Variants in MAX observed in about 807,000 individuals in gnomAD.
The protein encoded by MAX is MYC associated transcriptional regulator X, also known as protein max.
A neutral mutation model predicts 22.3 loss-of-function variants in MAX; 3 were observed. The observed-to-expected ratio is 0.13, with a 90% confidence interval of 0.06 to 0.35. The LOEUF is 0.35. Among genes scored for constraint, MAX ranks in the 10% least tolerant of loss-of-function variants. The pLI, the probability that MAX is intolerant of heterozygous loss-of-function variation, is 1.00. For synonymous variants in MAX, 72 were observed against 77.7 expected, an observed-to-expected ratio of 0.93 and a Z score of 0.39; for missense variants, 119 against 209.4, an observed-to-expected ratio of 0.57 and a Z score of 2.66.
At chr14:65,089,784 A>T (rs1208664882) in intron 3 of MAX, 7 of 120,404 alleles carry the variant, frequency 5.8e-5, no homozygotes, top group African/African-American at 2.6e-4. Context: ...AAAAAAAAAA[A>T]AAAAAAAAAA....
chr14:65,049,412 G>A (rs1192870727), intron 3 of MAX, among the ~76,000 whole-genome samples: 4 of 152,106 alleles, frequency 2.6e-5, no homozygotes, highest in African/African-American at 7.2e-5. Context: ...TTAGAATGGC[G>A]ACCTATAATT....
Position 65,075,783 on chromosome 14 carries a change from G to A in MAX, c.*693C>T. 1.9e-6 allele frequency: 2 copies of A among 1,066,644 alleles called. No individual in the cohort carries two copies. The highest frequency in any genetic ancestry group is 2.3e-6 in the Non-Finnish European group (2 of 880,032). The allele number at this position is 1,066,644 out of a possible 1,614,324, so 66.1% of individuals were successfully genotyped here. On this transcript the variant is annotated 3_prime_UTR_variant, in exon 5 of 5. Coordinates refer to ENST00000358664, the MANE Select transcript of MAX (RefSeq NM_002382.5). This position sits in a 1 kb window ranked among gnomAD's most constrained non-coding sequence, Gnocchi z 4.1. ...CATCTCCCATACATACCACGAGAGT[G>A]TCACACGGCCCTCCGTGAGGCTGGC... is the stretch of plus-strand genomic sequence containing the variant.
intron 3 of MAX, among the ~76,000 whole-genome samples, chr14:65,048,310 A>G (rs1007546965): frequency 4.0e-5 from 6 of 148,970 alleles, no homozygotes; most frequent in Non-Finnish European, 5.9e-5. Flanking sequence ...ATCCTTCTGT[A>G]TTATACTGTG....
intron 3 of MAX, among the ~76,000 whole-genome samples, chr14:65,033,517 A>G (rs1193277101): frequency 6.6e-6 from 1 of 152,206 alleles, no homozygotes; most frequent in Non-Finnish European, 1.5e-5. Context: ...TGTATGTTCT[A>G]TATTTTGTTT....
chr14:65,068,417 A>G (rs1018309318), intron 3 of MAX, among the ~76,000 whole-genome samples: 57 of 152,352 alleles, frequency 3.7e-4, no homozygotes, highest in African/African-American at 1.3e-3. Flanking sequence ...CCTGGGCGAC[A>G]GCGTGAGACT....
Position 65,037,403 on chromosome 14 carries a change from C to CTTTTT in MAX, c.172-31124_172-31120dup, listed in dbSNP as rs1555335876. On this transcript the variant is annotated intron_variant, in intron 3 of 3. Transcript: ENST00000341653. Reference sequence around the variant, plus strand: ...TAGGCGTGAGCCACCACGCCGGGCCCTTTTTTTTTTTTTTTTTTTTTTTTT... The same window carrying CTTTTT: ...TAGGCGTGAGCCACCACGCCGGGCCCTTTTTTTTTTTTTTTTTTTTTTTTTTTTTT... Among the ~76,000 whole-genome samples, 38 of 29,676 alleles carry CTTTTT rather than the reference C, an allele frequency of 1.3e-3. 4 individuals are homozygous for CTTTTT. Among genetic ancestry groups the CTTTTT allele is most frequent in the Admixed American group, 3.4e-3 (8 of 2,372 alleles). The allele number at this position is 29,676 out of a possible 152,430, so 19.5% of individuals were successfully genotyped here. A position where few individuals can be genotyped will look rare whatever the true frequency, so the allele number is the denominator to read the frequency against.
intron 3 of MAX, among the ~76,000 whole-genome samples, chr14:65,052,092 G>A (rs900380905): frequency 1.7e-4 from 26 of 152,002 alleles, no homozygotes; most frequent in African/African-American, 4.8e-4. Flanking sequence ...ATCGTGCCTG[G>A]CCCACCATAG....
intron 3 of MAX, among the ~76,000 whole-genome samples, chr14:65,013,235 T>G (rs2139515083): frequency 6.6e-6 from 1 of 152,254 alleles, no homozygotes; most frequent in East Asian, 1.9e-4. Context: ...AGACTGAGGC[T>G]AACTGGAGAC....
At chr14:65,081,988 A>G (rs2063210312) in intron 3 of MAX, 1 of 152,242 alleles carries the variant, frequency 6.6e-6, no homozygotes, top group South Asian at 2.1e-4. Flanking sequence ...ACAAGTGACA[A>G]TGATGATGGG....
At chr14:65,015,584 A>G (rs1344229035) in intron 3 of MAX, 1 of 1,609,640 alleles carries the variant, frequency 6.2e-7, no homozygotes, top group Non-Finnish European at 8.5e-7. Flanking sequence ...TCTTGGAGTG[A>G]TTGTGAATAA....
At chr14:65,013,116 C>T (rs1441097533) in intron 3 of MAX, among the ~76,000 whole-genome samples, 2 of 152,096 alleles carry the variant, frequency 1.3e-5, no homozygotes, top group Non-Finnish European at 2.9e-5. Context: ...TATTTTTAAT[C>T]TGCTTTTTAT....
At position 65,054,819 on chromosome 14, in the gene MAX, C is replaced by A. The variant is rs1485746179; in HGVS notation, c.171+38889G>T. 9.8e-7 allele frequency: 1 copy of A among 1,019,772 alleles called. No individual in the cohort carries two copies. The highest frequency in any genetic ancestry group is 1.6e-5 in the African/African-American group (1 of 62,758). 63.2% of individuals were successfully genotyped at this position (1,019,772 alleles called of 1,614,324 possible). A position where few individuals can be genotyped will look rare whatever the true frequency, so the allele number is the denominator to read the frequency against. On this transcript the variant is annotated intron_variant, in intron 3 of 3. Coordinates refer to the MAX transcript ENST00000341653. This position sits in a 1 kb window ranked among gnomAD's most constrained non-coding sequence, Gnocchi z 4.4. ...GGAAGCTTGTGGTCCCTCTGCCCTT[C>A]GAGCTGTGCAGCCGTTAGTGAGGAT... is the stretch of plus-strand genomic sequence containing the variant.
At chr14:65,092,871 T>C (rs2063549725) in intron 3 of MAX, among the ~76,000 whole-genome samples, 1 of 152,218 alleles carries the variant, frequency 6.6e-6, no homozygotes. Flanking sequence ...AGTTCCTTCT[T>C]TATAAAACAC....
chr14:65,098,716 T>G (rs1265231148), intron 2 of MAX, among the ~76,000 whole-genome samples: 1 of 152,234 alleles, frequency 6.6e-6, no homozygotes, highest in African/African-American at 2.4e-5. Flanking sequence ...AATTTAGTAG[T>G]AAGAATACTC....
intron 3 of MAX, chr14:65,015,756 T>C: frequency 1.3e-6 from 2 of 1,597,606 alleles, no homozygotes; most frequent in Non-Finnish European, 1.7e-6. Context: ...TTCTCTGAAA[T>C]TGTATTTTGA....
rs1453148131 is a variant in MAX at position 65,012,475 on chromosome 14, G to A, written c.172-6191C>T. 5.2e-6 allele frequency: 8 copies of A among 1,551,586 alleles called. No homozygotes were observed. The South Asian group carries it at 8.0e-5, about 16-fold the overall frequency. ...CTATTTAAACGTAAAAGACTGTTGG[G>A]GCTGACCTGTTGCAGAGTCACTCTT... On this transcript the variant is annotated intron_variant, in intron 3 of 3. Coordinates refer to the MAX transcript ENST00000341653. The surrounding 1 kb of genome is among the most constrained non-coding windows in gnomAD (Gnocchi z 5.0).
At chr14:65,064,385 G>C (rs766666662) in intron 3 of MAX, among the ~76,000 whole-genome samples, 7 of 152,172 alleles carry the variant, frequency 4.6e-5, no homozygotes, top group Non-Finnish European at 8.8e-5. Flanking sequence ...GCAATCTGTT[G>C]ACTCAAACTG....
At chr14:65,099,258 T>G (rs1488811792) in intron 2 of MAX, among the ~76,000 whole-genome samples, 1 of 152,084 alleles carries the variant, frequency 6.6e-6, no homozygotes, top group East Asian at 1.9e-4. Context: ...GTAATTACAT[T>G]GTGCAGAGTA....
intron 3 of MAX, among the ~76,000 whole-genome samples, chr14:65,081,863 T>C (rs761627514): frequency 2.0e-5 from 3 of 152,140 alleles, no homozygotes; most frequent in Non-Finnish European, 4.4e-5. Flanking sequence ...CATGTAGCCA[T>C]GTAAGCAAAC....
Sources: allele counts gnomAD v4.1 joint callset (sites outside exome capture counted in the v4.1 genomes callset), GRCh38; gene constraint gnomAD v4.1.1; non-coding constraint Gnocchi (gnomAD v3.1); transcripts MANE v1.5; gene names NCBI Gene and HGNC (gene_info 2026-07-23, HGNC 2026-07-21).